The following HIRA variants were observed in gnomAD, a reference collection of about 807,000 sequenced individuals.
HIRA encodes histone cell cycle regulator.
A neutral mutation model predicts 126.6 loss-of-function variants in HIRA; 13 were observed. The observed-to-expected ratio is 0.10, with a 90% CI of 0.07 to 0.16. The LOEUF (loss-of-function observed/expected upper bound fraction) is 0.16, where lower values mean the gene tolerates loss of function less well. Among genes scored for constraint, HIRA ranks in the 10% least tolerant of loss-of-function variants. The pLI is 1.00. For synonymous variants in HIRA, 511 were observed against 520.0 expected (o/e 0.98, Z 0.24); for missense variants, 834 against 1,314.4 (o/e 0.63, Z 5.65).
chr22:19,417,707 T>C (rs1053353594), intron 1 of HIRA, among the ~76,000 whole-genome samples: 3 of 152,152 alleles, frequency 2.0e-5, no homozygotes, highest in African/African-American at 7.2e-5. Context: ...ATTGTAACTC[T>C]TGTTAAAAAT....
At chr22:19,396,737 G>A (rs778918775) in intron 7 of HIRA, 50 bp downstream of exon 7, 239 of 1,594,054 alleles carry the variant, frequency 1.5e-4, no homozygotes, top group Non-Finnish European at 1.5e-4. Context: ...AAGTCAGGAA[G>A]AGGCTGGGGC....
chr22:19,357,538 G>A (rs1057184396), intron 18 of HIRA, among the ~76,000 whole-genome samples: 12 of 152,182 alleles, frequency 7.9e-5, no homozygotes, highest in South Asian at 4.1e-4. Context: ...GATGTGTGTC[G>A]CTCCCAAACA....
chr22:19,337,088 T>C (rs1316703459), intron 24 of HIRA, among the ~76,000 whole-genome samples: 1 of 152,178 alleles, frequency 6.6e-6, no homozygotes, highest in African/African-American at 2.4e-5. Context: ...GCAGAACTTT[T>C]TGGCTTTTTC....
intron 15 of HIRA, among the ~76,000 whole-genome samples, chr22:19,373,947 TAG>T (rs2088992688): frequency 1.4e-4 from 21 of 150,478 alleles, no homozygotes; most frequent in South Asian, 2.1e-4. Context: ...TGTTCACTCT[TAG>T]ATTTTAGACT....
Position 19,357,659 on chromosome 22 carries a change from C to T in HIRA, c.2235-608G>A, listed in dbSNP as rs116309517. Among the ~76,000 whole-genome samples, 810 of 152,308 alleles carry T rather than the reference C, an allele frequency of 5.3e-3. 8 individuals carry two copies. The highest frequency in any genetic ancestry group is 0.02 in the Middle Eastern group (6 of 294). ...CTGCTGCCTTCCCAGACAGAGCCCC[C>T]TAAGGCACAGCCACAGGCCCAGGGT... On this transcript the variant is annotated intron_variant, in intron 18 of 24. Coordinates refer to ENST00000263208, the MANE Select transcript of HIRA (RefSeq NM_003325.4).
intron 11 of HIRA, among the ~76,000 whole-genome samples, chr22:19,386,969 G>A (rs187182197): frequency 4.3e-4 from 65 of 152,344 alleles, no homozygotes; most frequent in Admixed American, 4.1e-3. Flanking sequence ...ATAAGGTCAT[G>A]AGGAGAGCTG....
intron 11 of HIRA, among the ~76,000 whole-genome samples, chr22:19,386,387 G>A (rs944244378): frequency 1.3e-5 from 2 of 152,228 alleles, no homozygotes; most frequent in African/African-American, 4.8e-5. Flanking sequence ...AGTGACTGCT[G>A]TACATGAAAG....
intron 14 of HIRA, among the ~76,000 whole-genome samples, chr22:19,376,880 G>A (rs1415006544): frequency 6.6e-6 from 1 of 152,242 alleles, no homozygotes; most frequent in Non-Finnish European, 1.5e-5. Flanking sequence ...GACGGTATCA[G>A]CTGTATGTGC....
chr22:19,396,699 C>T lies in HIRA; in HGVS notation c.654+88G>A. 2.8e-6 allele frequency: 4 copies of T among 1,425,888 alleles called. 1 individual carries two copies. The highest frequency in any genetic ancestry group is 2.5e-5 in the South Asian group (2 of 80,186). 88.3% of individuals were successfully genotyped at this position (1,425,888 alleles called of 1,614,324 possible). On this transcript the variant is annotated intron_variant, in intron 7 of 24. Coordinates refer to ENST00000263208, the MANE Select transcript of HIRA (RefSeq NM_003325.4). ...CTGTGCATTCCCCAGGTGGCCTGGC[C>T]CATGGCCAGCTCCCTCTCTGTACAC...
chr22:19,342,164 A>G (rs1168388147), intron 24 of HIRA, among the ~76,000 whole-genome samples: 1 of 152,168 alleles, frequency 6.6e-6, no homozygotes, highest in Non-Finnish European at 1.5e-5. Flanking sequence ...CAATTCTCAA[A>G]AGAAGATATA....
Position 19,353,481 on chromosome 22 carries a change from T to G in HIRA, c.2723A>C (p.His908Pro), listed in dbSNP as rs782413898. Reference sequence around the variant, plus strand: ...CAGGGTGGTCTCTTGCTGCACCACATGAGGCACGGAGAAGAGCCGGGCAGC... The same window carrying G: ...CAGGGTGGTCTCTTGCTGCACCACAGGAGGCACGGAGAAGAGCCGGGCAGC... ...RQAARLFSVP[H>P]VVQQETTLAY... The change falls in exon 23 of 25, where the codon CAT becomes CCT. Residue 908 changes from histidine (H) to proline (P), a missense_variant. By Grantham distance (77) the His-to-Pro change is moderately conservative. Around this residue, in one of 5 missense-constraint regions of HIRA, gnomAD observed 468 missense variants for 574.2 expected, o/e 0.82. Coordinates refer to ENST00000263208, the MANE Select transcript of HIRA (RefSeq NM_003325.4). 1 of 1,612,510 alleles carries G rather than the reference T, an allele frequency of 6.2e-7. No individual in the cohort carries two copies. The highest frequency in any genetic ancestry group is 1.1e-5 in the South Asian group (1 of 90,940).
At chr22:19,397,419 C>T (rs1039685573) in intron 6 of HIRA, among the ~76,000 whole-genome samples, 3 of 152,214 alleles carry the variant, frequency 2.0e-5, no homozygotes, top group Non-Finnish European at 4.4e-5. Flanking sequence ...CTCTCCATAG[C>T]CAGACTGAGT....
chr22:19,366,906 C>G (rs1452800030), intron 15 of HIRA, among the ~76,000 whole-genome samples: 1 of 152,112 alleles, frequency 6.6e-6, no homozygotes, highest in Non-Finnish European at 1.5e-5. Flanking sequence ...GGACTACAGG[C>G]ATGCACCGTG....
In HIRA at chr22:19,356,245, G is replaced by A. The variant is rs2088811003; in HGVS notation, c.2440C>T (p.His814Tyr). The change falls in exon 20 of 25, where the codon CAC (histidine) becomes TAC (tyrosine). Residue 814 changes from histidine (H) to tyrosine (Y), a missense_variant. Coordinates refer to ENST00000263208, the MANE Select transcript of HIRA (RefSeq NM_003325.4). ...CCTGCATTACCTGCCAGGATGGAGT[G>A]TAGAGACTCTTCTTTCACCACAACC... ...QVVVVKEESLHSILAGSDMTV... is the reference protein window; with the variant it reads ...QVVVVKEESLYSILAGSDMTV... The A allele has an allele frequency of 1.2e-6, 2 of 1,614,090 alleles. No homozygotes were observed. The highest frequency in any genetic ancestry group is 8.5e-7 in the Non-Finnish European group (1 of 1,179,922).
Position 19,385,574 on chromosome 22 carries a change from C to A in HIRA, c.1276G>T (p.Ala426Ser). The A allele has an allele frequency of 6.2e-7, 1 of 1,614,174 alleles. No individual in the cohort carries two copies. The highest frequency in any genetic ancestry group is 8.5e-7 in the Non-Finnish European group (1 of 1,180,048). ...TTGACAACGCCTGCGACTGAGGTGG[C>A]TGAGCCCATCTCCCTGGTCGCAGCA... ...KSAATREMGSATSVAGVVNGE... is the reference protein window; with the variant it reads ...KSAATREMGSSTSVAGVVNGE... The change falls in exon 12 of 25, where the codon GCC (alanine) becomes TCC (serine). Residue 426 changes from alanine (A) to serine (S), a missense_variant. Ala to Ser is a moderately conservative substitution (Grantham distance 99, BLOSUM62 1). Transcript: ENST00000263208.
rs1160865574 is a variant in HIRA at position 19,388,679 on chromosome 22, A to T, written c.937-125T>A. On this transcript the variant is annotated intron_variant, in intron 9 of 24. Transcript: ENST00000263208. ...GCTGCTGATATTTAAGGCATCTTCA[A>T]CTCTATTCAAACTGCAGCTGCAGAG... 6.9e-6 allele frequency: 5 copies of T among 728,626 alleles called. No individual in the cohort carries two copies. The Admixed American group carries it at 1.1e-4, about 16-fold the overall frequency. The allele number at this position is 728,626 out of a possible 1,614,324, so 45.1% of individuals were successfully genotyped here.
In HIRA at chr22:19,381,990, T is replaced by C. The variant is rs2089077584; in HGVS notation, c.1415+1630A>G. On this transcript the variant is annotated intron_variant, in intron 13 of 24. Coordinates refer to ENST00000263208, the MANE Select transcript of HIRA (RefSeq NM_003325.4). ...TTTATTTTCTTCAAAAACCATCCAC[T>C]TTCTGTGCAAATTTATTTGCACAGA... Among the ~76,000 whole-genome samples, 2 of 152,206 alleles carry C rather than the reference T, an allele frequency of 1.3e-5. 1 individual carries two copies. Among genetic ancestry groups the C allele is most frequent in the South Asian group, 4.1e-4 (2 of 4,834 alleles).
intron 1 of HIRA, among the ~76,000 whole-genome samples, chr22:19,416,076 C>CTGTTGATGGTGGCTATGA (rs1236180478): frequency 7.9e-5 from 12 of 152,280 alleles, no homozygotes; most frequent in African/African-American, 2.9e-4. Flanking sequence ...CAGAAATAAA[C>CTGTTGATGGTGGCTATGA]TGTTGTGTAT....
intron 15 of HIRA, among the ~76,000 whole-genome samples, chr22:19,368,014 C>G (rs2088929368): frequency 6.6e-6 from 1 of 152,140 alleles, no homozygotes; most frequent in African/African-American, 2.4e-5. Flanking sequence ...CTAAATATGA[C>G]AGACTCCCTG....
Sources: gnomAD v4.1 joint callset for allele counts (sites outside exome capture counted in the v4.1 genomes callset) on GRCh38, gnomAD v4.1.1 for gene constraint, gnomAD v4.1.1 regional missense constraint, MANE v1.5 for transcripts, NCBI Gene and HGNC (gene_info 2026-07-23, HGNC 2026-07-21) for gene names.